COMT: variants seen among roughly 807,000 people sequenced by gnomAD.
COMT encodes catechol O-methyltransferase.
A neutral mutation model predicts 18.9 loss-of-function variants in COMT; 13 were observed. The observed-to-expected ratio is 0.69, with a 90% CI of 0.45 to 1.09. The LOEUF (loss-of-function observed/expected upper bound fraction) is 1.09. Ranked by LOEUF, COMT falls within the 50% of genes least tolerant of loss-of-function variation. The pLI, the probability that COMT is intolerant of heterozygous loss-of-function variation, is 0.00. For missense variants in COMT, 329 were observed against 361.8 expected, an observed-to-expected ratio of 0.91 and a Z score of 0.73; for synonymous variants, 150 against 160.9, an observed-to-expected ratio of 0.93 and a Z score of 0.51.
intron 5 of COMT, chr22:19,967,251 G>C (rs762949433): frequency 7.7e-6 from 10 of 1,290,906 alleles, no homozygotes; most frequent in Non-Finnish European, 1.0e-5. Flanking sequence ...GGCGCAACCC[G>C]AGAAGTCCAG....
intron 1 of COMT, among the ~76,000 whole-genome samples, chr22:19,947,321 A>G (rs1941855239): frequency 6.6e-6 from 1 of 152,222 alleles, no homozygotes; most frequent in African/African-American, 2.4e-5. Context: ...GAGAGATCGT[A>G]GAAATAAAGA....
rs564481538 is a variant in COMT at position 19,959,760 on chromosome 22, G to A, written c.-91-1439G>A. On this transcript the variant is annotated intron_variant, in intron 1 of 5. Coordinates refer to ENST00000361682, the MANE Select transcript of COMT (RefSeq NM_000754.4). ...CCAGGCACTGCATTGTGGCCTGGGC[G>A]TGTTGGCCTTTGAGCCTTTGGCCTT... Among the ~76,000 whole-genome samples, 7 of 152,004 alleles carry A rather than the reference G, an allele frequency of 4.6e-5. No homozygotes were observed. In the East Asian group the frequency reaches 1.4e-3, roughly 29 times the overall value.
intron 5 of COMT, chr22:19,964,561 G>A: frequency 3.2e-6 from 2 of 629,968 alleles, no homozygotes; most frequent in East Asian, 2.7e-5. Flanking sequence ...GTGCAAAATG[G>A]GTGGCAGAAG....
chr22:19,954,153 C>CA (rs1159834555), intron 1 of COMT, among the ~76,000 whole-genome samples: 1 of 150,972 alleles, frequency 6.6e-6, no homozygotes, highest in African/African-American at 2.4e-5. Flanking sequence ...GTCCCTGCAG[C>CA]ACCTGGCTTG....
At chr22:19,964,637 G>A (rs886600760) in intron 5 of COMT, 9 of 594,670 alleles carry the variant, frequency 1.5e-5, no homozygotes, top group Non-Finnish European at 2.1e-5. Context: ...ATGGGGTGGG[G>A]AAGGGCCGCT....
chr22:19,956,954 C>CT (rs778325319), intron 1 of COMT, among the ~76,000 whole-genome samples: 1,594 of 141,238 alleles, frequency 0.011, 14 homozygotes, highest in African/African-American at 0.027. Flanking sequence ...ACATTCCTGT[C>CT]TTTTTTTTTT....
chr22:19,958,825 G>A (rs746408293), intron 1 of COMT, among the ~76,000 whole-genome samples: 2 of 151,604 alleles, frequency 1.3e-5, no homozygotes, highest in South Asian at 2.1e-4. Context: ...CCAGGAGGTC[G>A]AGACTGCAGT....
chr22:19,964,387 C>T, intron 5 of COMT, 88 bp downstream of exon 5: 1 of 1,578,448 alleles, frequency 6.3e-7, no homozygotes, highest in Non-Finnish European at 8.7e-7. Context: ...CCAGGCATTC[C>T]AGTAGAGCCC....
chr22:19,948,954 CAAAAAAA>C (rs71186636), intron 1 of COMT, among the ~76,000 whole-genome samples: 3,066 of 86,854 alleles, frequency 0.035, 53 homozygotes, highest in South Asian at 0.14. Context: ...GACTCTGTCT[CAAAAAAA>C]AAAAAAAAAA....
In COMT at chr22:19,969,733, A is replaced by G. The variant is rs1942638121; in HGVS notation, c.*997A>G. ...GACAGACCAGTGAGCCCAAGTGGAC[A>G]AGTTTGGGGCCACCCAGGGACCAGA... On this transcript the variant is annotated 3_prime_UTR_variant, in exon 6 of 6. Transcript: ENST00000361682. The G allele has an allele frequency of 1.4e-6, 1 of 706,924 alleles. No individual in the cohort carries two copies. The highest frequency in any genetic ancestry group is 1.7e-6 in the Non-Finnish European group (1 of 576,076). 43.8% of individuals were successfully genotyped at this position (706,924 alleles called of 1,614,324 possible).
chr22:19,955,385 C>A (rs1247112034), intron 1 of COMT, among the ~76,000 whole-genome samples: 1 of 152,238 alleles, frequency 6.6e-6, no homozygotes, highest in Non-Finnish European at 1.5e-5. Flanking sequence ...TGTCTCTACG[C>A]ACCTGTACTG....
At chr22:19,964,429 C>A in intron 5 of COMT, 130 bp downstream of exon 5, 1 of 1,344,216 alleles carries the variant, frequency 7.4e-7, no homozygotes, top group Non-Finnish European at 1.0e-6. Flanking sequence ...GGAGGCACCA[C>A]CTGAGGTCTG....
At chr22:19,953,109 T>C (rs1488980525) in intron 1 of COMT, among the ~76,000 whole-genome samples, 1 of 151,760 alleles carries the variant, frequency 6.6e-6, no homozygotes, top group African/African-American at 2.4e-5. Context: ...CGGAGTGTGA[T>C]GGGGGAGTCT....
intron 1 of COMT, among the ~76,000 whole-genome samples, chr22:19,955,001 G>T (rs565706143): frequency 6.6e-6 from 1 of 152,174 alleles, no homozygotes; most frequent in Non-Finnish European, 1.5e-5. Context: ...ATCTGGATTT[G>T]ATGGCATTTT....
intron 1 of COMT, among the ~76,000 whole-genome samples, chr22:19,956,956 T>TC (rs1397478859): frequency 6.8e-6 from 1 of 147,626 alleles, no homozygotes; most frequent in African/African-American, 2.5e-5. Flanking sequence ...ATTCCTGTCT[T>TC]TTTTTTTTTT....
At chr22:19,954,071 C>T (rs1232469981) in intron 1 of COMT, among the ~76,000 whole-genome samples, 1 of 152,208 alleles carries the variant, frequency 6.6e-6, no homozygotes, top group African/African-American at 2.4e-5. Flanking sequence ...AGGTGCAGTG[C>T]AGCCTCTTGC....
At chr22:19,945,500 T>C (rs1941821996) in intron 1 of COMT, among the ~76,000 whole-genome samples, 1 of 152,212 alleles carries the variant, frequency 6.6e-6, no homozygotes, top group East Asian at 1.9e-4. Context: ...ATTGAAGTTA[T>C]TCAATAACTA....
At chr22:19,952,820 G>A (rs1295707549) in intron 1 of COMT, among the ~76,000 whole-genome samples, 1 of 150,924 alleles carries the variant, frequency 6.6e-6, no homozygotes, top group Non-Finnish European at 1.5e-5. Flanking sequence ...GCGTGGTGGT[G>A]TGAGCCTATA....
intron 1 of COMT, among the ~76,000 whole-genome samples, chr22:19,948,912 A>G (rs1206660664): frequency 6.8e-6 from 1 of 147,482 alleles, no homozygotes; most frequent in Non-Finnish European, 1.5e-5. Flanking sequence ...CCCAGATCAC[A>G]CCATGGCACT....
Sources: gnomAD v4.1 joint callset for allele counts (sites outside exome capture counted in the v4.1 genomes callset) on GRCh38, gnomAD v4.1.1 for gene constraint, MANE v1.5 for transcripts, NCBI Gene and HGNC (gene_info 2026-07-23, HGNC 2026-07-21) for gene names.